Variants in APOBEC3C observed in about 807,000 individuals in gnomAD.
The protein encoded by APOBEC3C is DNA dC->dU-editing enzyme APOBEC-3C.
APOBEC3C carries 14 observed loss-of-function variants against 20.6 expected under a neutral mutation model. That is an observed-to-expected ratio of 0.68 (90% CI 0.45 to 1.06). The LOEUF is 1.06. Ranked by LOEUF, APOBEC3C falls within the 50% of genes least tolerant of loss-of-function variation. APOBEC3C has a pLI of 0.00. For synonymous variants in APOBEC3C, 98 were observed against 88.8 expected, an observed-to-expected ratio of 1.10 and a Z score of -0.58; for missense variants, 244 against 241.9, an observed-to-expected ratio of 1.01 and a Z score of -0.06.
intron 2 of APOBEC3C, among the ~76,000 whole-genome samples, chr22:39,016,463 C>T (rs572699856): frequency 2.0e-5 from 3 of 148,568 alleles, no homozygotes; most frequent in East Asian, 2.0e-4. Context: ...ATGATCCGCC[C>T]GCCTTGGCCT....
Position 39,018,040 on chromosome 22 carries a change from A to G in APOBEC3C, c.449A>G (p.Tyr150Cys). The G allele has an allele frequency of 6.2e-7, 1 of 1,613,952 alleles. No homozygotes were observed. The highest frequency in any genetic ancestry group is 1.3e-5 in the African/African-American group (1 of 75,022). The change falls in exon 3 of 4, where the codon TAT becomes TGT. Residue 150 changes from tyrosine to cysteine, a missense_variant. Tyr to Cys is a radical substitution (Grantham distance 194, BLOSUM62 -2). Coordinates refer to ENST00000361441, the MANE Select transcript of APOBEC3C (RefSeq NM_014508.3). ...QEGVAVEIMDYEDFKYCWENF... is the reference protein window; with the variant it reads ...QEGVAVEIMDCEDFKYCWENF... ...GGGGTCGCTGTGGAGATCATGGACT[A>G]TGAAGGTGAGACGTGGGGGGCTGAG...
rs1327340977 is a variant in APOBEC3C, at chr22:39,018,592, A to G, written c.*205A>G. On this transcript the variant is annotated 3_prime_UTR_variant, in exon 4 of 4. Transcript: ENST00000361441. ...CCTGCAGAGGCTCCTTTCTGCCTCCATGGCTATCCATCCACCCCCACAGAC... is the reference window on the plus strand; with the variant it reads ...CCTGCAGAGGCTCCTTTCTGCCTCCGTGGCTATCCATCCACCCCCACAGAC... The G allele has an allele frequency of 1.9e-6, 1 of 535,216 alleles. No homozygotes were observed. Among genetic ancestry groups the G allele is most frequent in the African/African-American group, 1.9e-5 (1 of 52,126 alleles). The allele number at this position is 535,216 out of a possible 1,614,324, so 33.2% of individuals were successfully genotyped here.
rs371604220 is a variant in APOBEC3C, at chr22:39,015,615, A to C, written c.38A>C (p.Tyr13Ser). ...TTCAGAAACCCGATGAAGGCAATGTATCCAGGCACATTCTACTTCCAATTT... is the reference window on the plus strand; with the variant it reads ...TTCAGAAACCCGATGAAGGCAATGTCTCCAGGCACATTCTACTTCCAATTT... ...PQIRNPMKAM[Y>S]PGTFYFQFKN... is the part of the protein sequence containing the mutation. The change falls in exon 2 of 4, where the codon TAT becomes TCT. Residue 13 changes from tyrosine to serine, a missense_variant. Physicochemically the swap from Tyr to Ser is moderately radical, Grantham distance 144 (BLOSUM62 -2). Transcript: ENST00000361441. The C allele has an allele frequency of 7.6e-5, 123 of 1,613,990 alleles. No homozygotes were observed. The highest frequency in any genetic ancestry group is 1.0e-4 in the Non-Finnish European group (118 of 1,179,996).
In APOBEC3C at chr22:39,014,297, A is replaced by G; in HGVS notation, c.-66A>G. On this transcript the variant is annotated 5_prime_UTR_variant, in exon 1 of 4. Coordinates refer to ENST00000361441, the MANE Select transcript of APOBEC3C (RefSeq NM_014508.3). ...GCTCAACTGCAAGGACGCTGTAAGCAGGAAGAGAAGCCACAGCGCTTCAGA... is the reference window on the plus strand; with the variant it reads ...GCTCAACTGCAAGGACGCTGTAAGCGGGAAGAGAAGCCACAGCGCTTCAGA... 2 of 1,605,542 alleles carry G rather than the reference A, an allele frequency of 1.2e-6. No homozygotes were observed. Among genetic ancestry groups the G allele is most frequent in the Non-Finnish European group, 1.7e-6 (2 of 1,172,174 alleles).
At chr22:39,015,223 C>T (rs999083705) in intron 1 of APOBEC3C, among the ~76,000 whole-genome samples, 13 of 151,538 alleles carry the variant, frequency 8.6e-5, no homozygotes, top group African/African-American at 2.7e-4. Context: ...CCCTTGAACC[C>T]GAGGGGTGGA....
chr22:39,014,411 T>G lies in APOBEC3C; in HGVS notation c.17+32T>G, dbSNP rs200640633. The G allele has an allele frequency of 6.9e-5, 111 of 1,611,540 alleles. No individual in the cohort carries two copies. In the African/African-American group the frequency reaches 1.1e-3, roughly 17 times the overall value. ...CTGCACGCTTTGTCCGCCAGGCCCC[T>G]CCTGCCACTTCCTGCCAGGCGGTCC... is the stretch of plus-strand genomic sequence containing the variant. On this transcript the variant is annotated intron_variant, in intron 1 of 3. Coordinates refer to ENST00000361441, the MANE Select transcript of APOBEC3C (RefSeq NM_014508.3).
rs1344103644 is a variant in APOBEC3C, at chr22:39,018,029, G to A, written c.438G>A (p.Glu146=). 5 of 1,614,044 alleles carry A rather than the reference G, an allele frequency of 3.1e-6. No homozygotes were observed. Among genetic ancestry groups the A allele is most frequent in the Non-Finnish European group, 8.5e-7 (1 of 1,180,026 alleles). ...TGAGTCAGGAAGGGGTCGCTGTGGAGATCATGGACTATGAAGGTGAGACGT... is the reference window on the plus strand; with the variant it reads ...TGAGTCAGGAAGGGGTCGCTGTGGAAATCATGGACTATGAAGGTGAGACGT... ...RSLSQEGVAV[E]IMDYEDFKYC... The change falls in exon 3 of 4, where the codon GAG becomes GAA. Residue 146 remains glutamate (E), a synonymous_variant. Coordinates refer to ENST00000361441, the MANE Select transcript of APOBEC3C (RefSeq NM_014508.3).
At chr22:39,015,872 C>CTT in intron 2 of APOBEC3C, 121 bp downstream of exon 2, 6 of 724,904 alleles carry the variant, frequency 8.3e-6, no homozygotes, top group East Asian at 3.2e-5. Context: ...TGCCACATTT[C>CTT]TATTTTTTTT....
chr22:39,016,887 G>A (rs973965686), intron 2 of APOBEC3C, among the ~76,000 whole-genome samples: 3 of 152,184 alleles, frequency 2.0e-5, no homozygotes, highest in African/African-American at 7.2e-5. Flanking sequence ...AGAAAAGATG[G>A]CAGAATTCAC....
chr22:39,016,019 G>A (rs1452246192), intron 2 of APOBEC3C, among the ~76,000 whole-genome samples: 1 of 151,770 alleles, frequency 6.6e-6, no homozygotes, highest in Non-Finnish European at 1.5e-5. Context: ...GGGATTACAG[G>A]CACCTGCCAC....
rs1044446819 is a variant in APOBEC3C at position 39,018,483 on chromosome 22, G to T, written c.*96G>T. On this transcript the variant is annotated 3_prime_UTR_variant, in exon 4 of 4. Transcript: ENST00000361441. ...CCTGGACCCGCTCTGTTTCTGCCTGGTCATCCTGAGCCCCTCCTGGCCTCA... is the reference window on the plus strand; with the variant it reads ...CCTGGACCCGCTCTGTTTCTGCCTGTTCATCCTGAGCCCCTCCTGGCCTCA... 1.4e-6 allele frequency: 2 copies of T among 1,437,136 alleles called. No homozygotes were observed. Among genetic ancestry groups the T allele is most frequent in the Non-Finnish European group, 1.9e-6 (2 of 1,054,862 alleles). 89.0% of individuals were successfully genotyped at this position (1,437,136 alleles called of 1,614,324 possible).
In APOBEC3C at chr22:39,015,767, T is replaced by C; in HGVS notation, c.174+16T>C. On this transcript the variant is annotated intron_variant, in intron 2 of 3. Transcript: ENST00000361441. ...CCGAAACCAGGTAGCACCAAAGTCC[T>C]AGTTACACCCTAAATAGGAGCTAAG... The C allele has an allele frequency of 1.2e-6, 2 of 1,611,342 alleles. No individual in the cohort carries two copies. The highest frequency in any genetic ancestry group is 8.5e-7 in the Non-Finnish European group (1 of 1,178,848).
At position 39,015,661 on chromosome 22, in the gene APOBEC3C, C is replaced by T. The variant is rs773172607; in HGVS notation, c.84C>T (p.Asn28=). Reference sequence around the variant, plus strand: ...AATTTAAAAACCTATGGGAAGCCAACGATCGGAACGAAACTTGGCTGTGCT... The same window carrying T: ...AATTTAAAAACCTATGGGAAGCCAATGATCGGAACGAAACTTGGCTGTGCT... ...YFQFKNLWEA[N]DRNETWLCFT... Residue 28 remains asparagine (N), a synonymous_variant, in exon 2 of 4, where the codon AAC becomes AAT. Transcript: ENST00000361441. 5 of 1,614,082 alleles carry T rather than the reference C, an allele frequency of 3.1e-6. No individual in the cohort carries two copies. The highest frequency in any genetic ancestry group is 3.4e-6 in the Non-Finnish European group (4 of 1,180,000).
At chr22:39,015,966 T>C (rs2146310798) in intron 2 of APOBEC3C, among the ~76,000 whole-genome samples, 1 of 151,264 alleles carries the variant, frequency 6.6e-6, no homozygotes, top group South Asian at 2.1e-4. Context: ...ACCTCTGCTT[T>C]CCAGGTTCAC....
chr22:39,018,468 C>T lies in APOBEC3C; in HGVS notation c.*81C>T. ...GGGCCTCCCCTCCACCCTGGACCCGCTCTGTTTCTGCCTGGTCATCCTGAG... is the reference window on the plus strand; with the variant it reads ...GGGCCTCCCCTCCACCCTGGACCCGTTCTGTTTCTGCCTGGTCATCCTGAG... On this transcript the variant is annotated 3_prime_UTR_variant, in exon 4 of 4. Transcript: ENST00000361441. The T allele has an allele frequency of 6.6e-7, 1 of 1,512,832 alleles. No homozygotes were observed. The highest frequency in any genetic ancestry group is 1.2e-5 in the South Asian group (1 of 82,546). 93.7% of individuals were successfully genotyped at this position (1,512,832 alleles called of 1,614,324 possible).
In APOBEC3C at chr22:39,019,752, C is replaced by T. The variant is rs1044773758; in HGVS notation, c.*1365C>T. On this transcript the variant is annotated 3_prime_UTR_variant, in exon 4 of 4. Transcript: ENST00000361441. ...CCAGCCGTGTCCTCTGTGGCCTTTC[C>T]TCTATGCACACGCACCTCTGGGATC... 1 of 150,808 alleles carries T rather than the reference C, an allele frequency of 6.6e-6. No homozygotes were observed. Among genetic ancestry groups the T allele is most frequent in the African/African-American group, 2.5e-5 (1 of 40,764 alleles). The allele number at this position is 150,808 out of a possible 1,614,324, so 9.3% of individuals were successfully genotyped here. A position where few individuals can be genotyped will look rare whatever the true frequency, so the allele number is the denominator to read the frequency against.
chr22:39,017,735 C>T (rs931073487), intron 2 of APOBEC3C, 31 bp from the exon 3 acceptor site: 26 of 1,600,998 alleles, frequency 1.6e-5, no homozygotes, highest in Non-Finnish European at 2.2e-5. Context: ...CTGGTCTGAG[C>T]TCCCCTGTCC....
At position 39,018,028 on chromosome 22, in the gene APOBEC3C, A is replaced by T. The variant is rs763947274; in HGVS notation, c.437A>T (p.Glu146Val). 21 of 1,613,996 alleles carry T rather than the reference A, an allele frequency of 1.3e-5. No individual in the cohort carries two copies. Among genetic ancestry groups the T allele is most frequent in the Non-Finnish European group, 1.7e-5 (20 of 1,180,028 alleles). The change falls in exon 3 of 4, where the codon GAG (glutamate) becomes GTG (valine). Residue 146 changes from glutamate (E) to valine (V), a missense_variant. Glu to Val is a moderately radical substitution (Grantham distance 121). Coordinates refer to ENST00000361441, the MANE Select transcript of APOBEC3C (RefSeq NM_014508.3). The part of the protein sequence containing the change: ...RSLSQEGVAV[E>V]IMDYEDFKYC... ...CTGAGTCAGGAAGGGGTCGCTGTGG[A>T]GATCATGGACTATGAAGGTGAGACG...
rs111451010 is a variant in APOBEC3C at position 39,018,442 on chromosome 22, C to T, written c.*55C>T. 75 of 1,579,994 alleles carry T rather than the reference C, an allele frequency of 4.7e-5. No individual in the cohort carries two copies. The highest frequency in any genetic ancestry group is 4.5e-4 in the African/African-American group (33 of 73,782). On this transcript the variant is annotated 3_prime_UTR_variant, in exon 4 of 4. Transcript: ENST00000361441. ...CCTCTAGCCTCCTGCTCATGCTGCA[C>T]GGGCCTCCCCTCCACCCTGGACCCG...
Sources: gnomAD v4.1 joint callset for allele counts (sites outside exome capture counted in the v4.1 genomes callset) on GRCh38, gnomAD v4.1.1 for gene constraint, MANE v1.5 for transcripts, NCBI Gene and HGNC (gene_info 2026-07-23, HGNC 2026-07-21) for gene names.